Variants in SPOCK1 observed in about 807,000 individuals in gnomAD.
SPOCK1 encodes SPARC (osteonectin), cwcv and kazal like domains proteoglycan 1.
In SPOCK1, 23 loss-of-function variants were observed where a neutral mutation model predicts 55.3. The ratio of observed to expected loss-of-function variants is 0.42; its 90% CI spans 0.30 to 0.59. SPOCK1 has a LOEUF of 0.59. Among genes scored for constraint, SPOCK1 ranks in the 20% least tolerant of loss-of-function variants. The pLI is 0.22. For synonymous variants in SPOCK1, 226 were observed against 221.0 expected (o/e 1.02, Z -0.20); for missense variants, 499 against 552.5 (o/e 0.90, Z 0.97).
chr5:137,009,358 A>G (rs759583807), intron 6 of SPOCK1, among the ~76,000 whole-genome samples: 17 of 152,228 alleles, frequency 1.1e-4, no homozygotes, highest in Admixed American at 3.3e-4. Flanking sequence ...TAGTATATCC[A>G]CCAATGGAAA....
chr5:137,382,014 G>T (rs185999302), intron 2 of SPOCK1, among the ~76,000 whole-genome samples: 1 of 152,080 alleles, frequency 6.6e-6, no homozygotes, highest in East Asian at 1.9e-4. Flanking sequence ...TCACACATAC[G>T]AGCATATACA....
chr5:137,110,621 G>A (rs1392548116), intron 5 of SPOCK1, among the ~76,000 whole-genome samples: 1 of 152,184 alleles, frequency 6.6e-6, no homozygotes, highest in African/African-American at 2.4e-5. Flanking sequence ...AAAGAGTAAG[G>A]GGATGGGGAA....
intron 2 of SPOCK1, among the ~76,000 whole-genome samples, chr5:137,358,426 A>AAGGAAGGAAGG (rs1561514378): frequency 1.6e-5 from 1 of 64,494 alleles, no homozygotes; most frequent in East Asian, 8.7e-4. Flanking sequence ...AGGAAGGAGG[A>AAGGAAGGAAGG]AAGAAAGAAA....
intron 2 of SPOCK1, among the ~76,000 whole-genome samples, chr5:137,493,435 G>A (rs1754231167): frequency 6.6e-6 from 1 of 152,210 alleles, no homozygotes; most frequent in African/African-American, 2.4e-5. Context: ...CAGTGATACA[G>A]TTCTGCTGAA....
At chr5:137,154,045 T>G (rs758936333) in intron 3 of SPOCK1, among the ~76,000 whole-genome samples, 6 of 152,016 alleles carry the variant, frequency 3.9e-5, no homozygotes, top group Non-Finnish European at 8.8e-5. Context: ...CCCAGCACTT[T>G]GGGAGGCCGA....
At chr5:137,124,570 G>A (rs988597250) in intron 4 of SPOCK1, among the ~76,000 whole-genome samples, 2 of 152,224 alleles carry the variant, frequency 1.3e-5, no homozygotes, top group African/African-American at 4.8e-5. Flanking sequence ...GCATGGAAGA[G>A]CCTCAGGGCT....
rs1018398422 is a variant in SPOCK1, at chr5:136,978,502, G to A, written c.*152C>T. On this transcript the variant is annotated 3_prime_UTR_variant, in exon 11 of 11. Transcript: ENST00000394945. ...AACATATGCAAAATCAGAATCCTCT[G>A]GGAACAAGCAGTTGTCTTCCAAACC... The A allele has an allele frequency of 1.5e-6, 1 of 653,254 alleles. No individual in the cohort carries two copies. The highest frequency in any genetic ancestry group is 2.4e-6 in the Non-Finnish European group (1 of 418,762). 40.5% of individuals were successfully genotyped at this position (653,254 alleles called of 1,614,324 possible).
At chr5:137,287,366 G>A (rs1187631512) in intron 2 of SPOCK1, among the ~76,000 whole-genome samples, 1 of 152,164 alleles carries the variant, frequency 6.6e-6, no homozygotes, top group Non-Finnish European at 1.5e-5. Context: ...CCTCCACACA[G>A]AGGCATGCTC....
At chr5:137,140,735 C>A in intron 3 of SPOCK1, 41 bp from the exon 4 acceptor site, 1 of 1,037,328 alleles carries the variant, frequency 9.6e-7, no homozygotes, top group Non-Finnish European at 1.4e-6. Flanking sequence ...TTAGGACCTC[C>A]AGGGAAATTT....
intron 3 of SPOCK1, among the ~76,000 whole-genome samples, chr5:137,187,519 T>C (rs978254261): frequency 1.3e-5 from 2 of 152,170 alleles, no homozygotes; most frequent in African/African-American, 4.8e-5. Flanking sequence ...CTATAGCAAA[T>C]ACCTCCTTAC....
chr5:137,107,302 C>T (rs953267551), intron 5 of SPOCK1, among the ~76,000 whole-genome samples: 28 of 152,194 alleles, frequency 1.8e-4, no homozygotes, highest in Admixed American at 3.3e-4. Context: ...TTTCTGAATT[C>T]AATAAAGTCA....
rs774381449 is a variant in SPOCK1, at chr5:136,979,467, C to A, written c.994G>T (p.Ala332Ser). The A allele has an allele frequency of 6.2e-7, 1 of 1,612,844 alleles. No homozygotes were observed. Among genetic ancestry groups the A allele is most frequent in the Non-Finnish European group, 8.5e-7 (1 of 1,179,676 alleles). The stretch of plus-strand genomic sequence containing the variant: ...TCCTCATTACACCGAGGTATGAAGG[C>A]CCCTGGGGGAACAAAAGGTGCAACT... ...KLSKGKSLLGAFIPRCNEEGY... is the reference protein window; with the variant it reads ...KLSKGKSLLGSFIPRCNEEGY... The change falls in exon 10 of 11, where the codon GCC becomes TCC. Residue 332 changes from alanine to serine, a missense_variant and splice_region_variant. Physicochemically the swap from Ala to Ser is moderately conservative, Grantham distance 99. This residue lies in a region of SPOCK1 where 30 missense variants were observed against 64.4 expected (regional missense o/e 0.47). Transcript: ENST00000394945.
chr5:137,278,216 C>G (rs1415201974), intron 2 of SPOCK1, among the ~76,000 whole-genome samples: 2 of 152,204 alleles, frequency 1.3e-5, no homozygotes, highest in Non-Finnish European at 2.9e-5. Flanking sequence ...CACCTTGCAG[C>G]CCTGTATCCT....
In SPOCK1 at chr5:137,475,568, CTTTA is replaced by C. The variant is rs34929130; in HGVS notation, c.186+22801_186+22804del. Among the ~76,000 whole-genome samples the C allele has an allele frequency of 8.9e-3, 1,334 of 150,098 alleles. 15 individuals are homozygous for C. The highest frequency in any genetic ancestry group is 0.03 in the African/African-American group (1,234 of 40,762). ...ATAATTAATGTATCACCTAAAGTAT[CTTTA>C]TTTATTTATTTATTTATTTATTTAT... is the stretch of plus-strand genomic sequence containing the variant. On this transcript the variant is annotated intron_variant, in intron 2 of 10. Transcript: ENST00000394945.
intron 3 of SPOCK1, among the ~76,000 whole-genome samples, chr5:137,261,098 T>C (rs568621907): frequency 6.6e-6 from 1 of 152,060 alleles, no homozygotes; most frequent in Non-Finnish European, 1.5e-5. Context: ...AGGGATCAGA[T>C]AAGGTGAACA....
At chr5:137,416,709 G>A (rs540259357) in intron 2 of SPOCK1, among the ~76,000 whole-genome samples, 1 of 152,238 alleles carries the variant, frequency 6.6e-6, no homozygotes, top group South Asian at 2.1e-4. Context: ...CAAAGCAAGT[G>A]TAGCATTTTA....
At chr5:137,087,494 A>T (rs1184510943) in intron 5 of SPOCK1, among the ~76,000 whole-genome samples, 1 of 152,232 alleles carries the variant, frequency 6.6e-6, no homozygotes, top group African/African-American at 2.4e-5. Context: ...CATCATTAAT[A>T]CTGTTATTCT....
At chr5:137,116,578 G>A (rs992677237) in intron 4 of SPOCK1, among the ~76,000 whole-genome samples, 5 of 151,790 alleles carry the variant, frequency 3.3e-5, no homozygotes, top group African/African-American at 9.7e-5. Flanking sequence ...CACGGCAGGC[G>A]GAGGTTACAG....
At chr5:137,333,395 G>C (rs143483565) in intron 2 of SPOCK1, among the ~76,000 whole-genome samples, 29 of 152,214 alleles carry the variant, frequency 1.9e-4, no homozygotes, top group Admixed American at 9.8e-4. Context: ...GGAGGAGGGA[G>C]CCAAGTCAGG....
Sources: allele counts gnomAD v4.1 joint callset (sites outside exome capture counted in the v4.1 genomes callset), GRCh38; gene constraint gnomAD v4.1.1; regional missense constraint gnomAD v4.1.1; transcripts MANE v1.5; gene names NCBI Gene and HGNC (gene_info 2026-07-23, HGNC 2026-07-21).